The following HMGN3 variants were observed in gnomAD, a reference collection of about 807,000 sequenced individuals.
HMGN3 encodes high mobility group nucleosomal binding domain 3.
HMGN3 carries 6 observed loss-of-function variants against 18.8 expected under a neutral mutation model. The observed-to-expected ratio is 0.32, with a 90% CI of 0.18 to 0.63. HMGN3 has a LOEUF of 0.63. Among genes scored for constraint, HMGN3 ranks in the 30% least tolerant of loss-of-function variants. HMGN3 has a pLI of 0.79. For missense variants in HMGN3, 107 were observed against 114.2 expected (o/e 0.94, Z 0.29); for synonymous variants, 40 against 36.5 (o/e 1.10, Z -0.35).
chr6:79,230,713 C>A (rs879879580), intron 1 of HMGN3, among the ~76,000 whole-genome samples: 1 of 151,980 alleles, frequency 6.6e-6, no homozygotes, highest in Admixed American at 6.6e-5. Flanking sequence ...AACAGCAAAC[C>A]TTTTTCAGTG....
intron 3 of HMGN3, among the ~76,000 whole-genome samples, chr6:79,204,120 T>C (rs1369843784): frequency 1.3e-5 from 2 of 152,224 alleles, no homozygotes; most frequent in Non-Finnish European, 2.9e-5. Flanking sequence ...CTTCCACTTC[T>C]AATGTAGATT....
At chr6:79,208,995 G>C (rs1776554424) in intron 2 of HMGN3, among the ~76,000 whole-genome samples, 1 of 152,170 alleles carries the variant, frequency 6.6e-6, no homozygotes, top group Admixed American at 6.5e-5. Context: ...GTTAATACAA[G>C]AAGAGACTTA....
intron 1 of HMGN3, among the ~76,000 whole-genome samples, chr6:79,218,067 G>A (rs918254514): frequency 2.6e-5 from 4 of 152,220 alleles, no homozygotes; most frequent in East Asian, 3.8e-4. Context: ...ACGTATCCAC[G>A]TCTGCAAGAG....
At position 79,203,570 on chromosome 6, in the gene HMGN3, C is replaced by T; in HGVS notation, c.147+10G>A. On this transcript the variant is annotated intron_variant, in intron 4 of 5. Transcript: ENST00000344726. Reference sequence around the variant, plus strand: ...TTAAAAAGCCAAAAGTGGGAAACAGCACTTCTTACCTTAGCAGATGTTTTT... The same window carrying T: ...TTAAAAAGCCAAAAGTGGGAAACAGTACTTCTTACCTTAGCAGATGTTTTT... 4 of 1,610,176 alleles carry T rather than the reference C, an allele frequency of 2.5e-6. No individual in the cohort carries two copies. The highest frequency in any genetic ancestry group is 3.4e-6 in the Non-Finnish European group (4 of 1,176,996).
chr6:79,217,138 G>T (rs1777030796), intron 1 of HMGN3, among the ~76,000 whole-genome samples: 1 of 152,224 alleles, frequency 6.6e-6, no homozygotes, highest in Non-Finnish European at 1.5e-5. Flanking sequence ...CACTGAAAAT[G>T]TGAATGCCTT....
intron 1 of HMGN3, among the ~76,000 whole-genome samples, chr6:79,217,433 A>G (rs909520526): frequency 9.2e-5 from 14 of 152,216 alleles, no homozygotes; most frequent in African/African-American, 3.1e-4. Flanking sequence ...TGATAATGAC[A>G]GCTAACTCAA....
At position 79,215,825 on chromosome 6, in the gene HMGN3, T is replaced by A. The variant is rs550928809; in HGVS notation, c.16-803A>T. Among the ~76,000 whole-genome samples the A allele has an allele frequency of 1.4e-4, 22 of 152,378 alleles. No homozygotes were observed. In the East Asian group the frequency reaches 1.7e-3, roughly 12 times the overall value. Reference sequence around the variant, plus strand: ...TTGGCTAAGAGTTATTAAATAATATTAAAACAACTAAACTACTTAGAAAAC... The same window carrying A: ...TTGGCTAAGAGTTATTAAATAATATAAAAACAACTAAACTACTTAGAAAAC... On this transcript the variant is annotated intron_variant, in intron 1 of 5. Coordinates refer to ENST00000344726, the Ensembl canonical transcript of HMGN3.
At chr6:79,208,404 C>A in intron 3 of HMGN3, 143 bp downstream of exon 3, 1 of 725,774 alleles carries the variant, frequency 1.4e-6, no homozygotes, top group Non-Finnish European at 2.4e-6. Context: ...GTCAAATTTG[C>A]TAGACATGAG....
intron 2 of HMGN3, among the ~76,000 whole-genome samples, chr6:79,210,396 T>C (rs1412695434): frequency 3.3e-5 from 5 of 152,120 alleles, no homozygotes; most frequent in African/African-American, 9.7e-5. Context: ...ACAGTCTCCA[T>C]GCTAAAGAGA....
In HMGN3 at chr6:79,215,035, T is replaced by C. The variant is rs373943685; in HGVS notation, c.16-13A>G. 139 of 1,435,872 alleles carry C rather than the reference T, an allele frequency of 9.7e-5. No homozygotes were observed. The highest frequency in any genetic ancestry group is 1.2e-4 in the Non-Finnish European group (130 of 1,045,488). The allele number at this position is 1,435,872 out of a possible 1,614,324, so 88.9% of individuals were successfully genotyped here. The stretch of plus-strand genomic sequence containing the variant: ...TATTCTCTGGAGACTAGAAAGAAAA[T>C]ATTTCAGTGAATTGTATTTAAATTG... On this transcript the variant is annotated splice_polypyrimidine_tract_variant and intron_variant, in intron 1 of 5. Transcript: ENST00000344726.
chr6:79,206,631 C>T (rs1776434312), intron 3 of HMGN3, among the ~76,000 whole-genome samples: 1 of 152,226 alleles, frequency 6.6e-6, no homozygotes, highest in Non-Finnish European at 1.5e-5. Context: ...TCTGCTAGGG[C>T]AGTGCAGAAG....
intron 2 of HMGN3, among the ~76,000 whole-genome samples, chr6:79,213,719 G>A (rs1776814075): frequency 1.3e-5 from 2 of 152,110 alleles, no homozygotes; most frequent in African/African-American, 2.4e-5. Context: ...TTTCTTTATA[G>A]GTTCTGTTTA....
chr6:79,233,344 C>T (rs1777952243), intron 1 of HMGN3, among the ~76,000 whole-genome samples: 1 of 152,072 alleles, frequency 6.6e-6, no homozygotes, highest in Middle Eastern at 3.2e-3. Context: ...CAAGTTTCTA[C>T]CCAATTTTTA....
At chr6:79,220,998 G>C (rs1382925077) in intron 1 of HMGN3, among the ~76,000 whole-genome samples, 1 of 151,980 alleles carries the variant, frequency 6.6e-6, no homozygotes, top group Non-Finnish European at 1.5e-5. Context: ...AATTCTCAGT[G>C]GTGGGTAAAT....
At chr6:79,232,301 T>C (rs1777882230) in intron 1 of HMGN3, among the ~76,000 whole-genome samples, 1 of 152,196 alleles carries the variant, frequency 6.6e-6, no homozygotes, top group African/African-American at 2.4e-5. Flanking sequence ...CAGGATTCCA[T>C]GAGGCTGCTC....
intron 1 of HMGN3, among the ~76,000 whole-genome samples, chr6:79,222,841 T>A (rs754433107): frequency 6.6e-6 from 1 of 152,198 alleles, no homozygotes; most frequent in African/African-American, 2.4e-5. Context: ...TACTATGTCT[T>A]TTGTAAATGT....
At chr6:79,202,337 T>C in exon 5 of HMGN3, 1 of 1,614,104 alleles carries the variant, frequency 6.2e-7, no homozygotes. Context: ...AGCTTCCTGC[T>C]TTTCCTCCTT....
chr6:79,234,152 T>C (rs1778019721), intron 1 of HMGN3: 1 of 181,788 alleles, frequency 5.5e-6, no homozygotes, highest in East Asian at 1.5e-4. Context: ...TCCCTCTCCT[T>C]ACGCTTGTAC....
At chr6:79,220,163 A>G (rs1490659972) in intron 1 of HMGN3, among the ~76,000 whole-genome samples, 1 of 152,362 alleles carries the variant, frequency 6.6e-6, no homozygotes, top group Admixed American at 6.5e-5. Flanking sequence ...GATACAGATT[A>G]ATTTTAGACT....
Sources: gnomAD v4.1 joint callset for allele counts (sites outside exome capture counted in the v4.1 genomes callset) on GRCh38, gnomAD v4.1.1 for gene constraint, MANE v1.5 for transcripts, NCBI Gene and HGNC (gene_info 2026-07-23, HGNC 2026-07-21) for gene names.